CAMK4: variants seen among roughly 807,000 people sequenced by gnomAD.
CAMK4 encodes the protein calcium/calmodulin dependent protein kinase IV.
CAMK4 carries 22 observed loss-of-function variants against 44.9 expected under a neutral mutation model. The observed-to-expected ratio is 0.49, with a 90% CI of 0.35 to 0.70. The LOEUF is 0.70. Ranked by LOEUF, CAMK4 falls within the 30% of genes least tolerant of loss-of-function variation. The probability of loss-of-function intolerance (pLI) is 0.01; values close to 1 mark genes in which losing one functional copy is unlikely to be tolerated. For synonymous variants in CAMK4, 218 were observed against 215.4 expected, an observed-to-expected ratio of 1.01 and a Z score of -0.11; for missense variants, 498 against 586.8, an observed-to-expected ratio of 0.85 and a Z score of 1.56.
In CAMK4 at chr5:111,347,914, A is replaced by G. The variant is rs1356037291; in HGVS notation, c.240+3812A>G. On this transcript the variant is annotated intron_variant, in intron 2 of 10. Transcript: ENST00000282356. ...AATATTCCATTCAATATTTTATTTG[A>G]AGATGAGTGAAACATATCACATTTA... 2.6e-5 allele frequency among the ~76,000 whole-genome samples: 4 copies of G among 152,072 alleles called. No homozygotes were observed. In the East Asian group the frequency reaches 7.8e-4, roughly 29 times the overall value.
intron 2 of CAMK4, among the ~76,000 whole-genome samples, chr5:111,368,100 T>C (rs1249336254): frequency 2.0e-5 from 3 of 152,126 alleles, no homozygotes; most frequent in African/African-American, 7.2e-5. Flanking sequence ...GTAAAATATA[T>C]ATTTATTGTA....
intron 1 of CAMK4, among the ~76,000 whole-genome samples, chr5:111,267,946 G>A (rs1035998340): frequency 2.0e-5 from 3 of 152,182 alleles, no homozygotes; most frequent in Non-Finnish European, 4.4e-5. Flanking sequence ...AAACGGTACT[G>A]ATTAGTTGAA....
intron 3 of CAMK4, among the ~76,000 whole-genome samples, chr5:111,376,591 A>C (rs1430548108): frequency 1.3e-5 from 2 of 152,118 alleles, no homozygotes; most frequent in Admixed American, 1.3e-4. Flanking sequence ...AAAAGTTAGA[A>C]AGTGTTTCCA....
chr5:111,250,589 G>A (rs1204260601), intron 1 of CAMK4, among the ~76,000 whole-genome samples: 1 of 152,104 alleles, frequency 6.6e-6, no homozygotes, highest in Non-Finnish European at 1.5e-5. Flanking sequence ...CTCCTTCTTA[G>A]AATGTCTTCA....
chr5:111,224,582 G>C lies in CAMK4; in HGVS notation c.99G>C (p.Trp33Cys), dbSNP rs1286574499. 1 of 1,612,438 alleles carries C rather than the reference G, an allele frequency of 6.2e-7. No homozygotes were observed. The change falls in exon 1 of 11, where the codon TGG becomes TGC. Residue 33 changes from tryptophan to cysteine, a missense_variant. Trp to Cys is a radical substitution (Grantham distance 215, BLOSUM62 -2). Transcript: ENST00000282356. This position sits in a 1 kb window ranked among gnomAD's most constrained non-coding sequence, Gnocchi z 5.7. ...CCGCGAGCCTCGTCCCGGATTACTG[G>C]ATCGACGGCTCCAACAGGGATGCGC... ...PGTASLVPDY[W>C]IDGSNRDALS... is the part of the protein sequence containing the mutation.
intron 2 of CAMK4, among the ~76,000 whole-genome samples, chr5:111,351,409 C>CT (rs1230580699): frequency 0.021 from 2,944 of 142,568 alleles, 94 homozygotes; most frequent in African/African-American, 0.068. Context: ...TTTTCTTTTT[C>CT]TTTTTTTTTT....
At chr5:111,350,534 A>T (rs968192301) in intron 2 of CAMK4, among the ~76,000 whole-genome samples, 19 of 152,084 alleles carry the variant, frequency 1.2e-4, no homozygotes, top group Middle Eastern at 3.4e-3. Context: ...TACATCTCGG[A>T]TGCCTATAAT....
chr5:111,336,971 C>G (rs920135587), intron 1 of CAMK4, among the ~76,000 whole-genome samples: 2 of 150,786 alleles, frequency 1.3e-5, no homozygotes, highest in Non-Finnish European at 3.0e-5. Context: ...TTTCATTGAA[C>G]TATAATTTCT....
rs56176713 is a variant in CAMK4, at chr5:111,459,686, C to CTTTTTTTTTTTTTTT, written c.625+10495_625+10509dup. Among the ~76,000 whole-genome samples the CTTTTTTTTTTTTTTT allele has an allele frequency of 1.6e-4, 14 of 86,690 alleles. 1 individual carries two copies. Among genetic ancestry groups the CTTTTTTTTTTTTTTT allele is most frequent in the African/African-American group, 7.0e-4 (14 of 20,124 alleles). 56.9% of individuals were successfully genotyped at this position (86,690 alleles called of 152,430 possible). On this transcript the variant is annotated intron_variant, in intron 7 of 10. Transcript: ENST00000282356. ...TGTTCTCTTTGAGTTTAGAGACAGTCTTTTTTTTTTTTTTTTTTTTTTTTT... is the reference window on the plus strand; with the variant it reads ...TGTTCTCTTTGAGTTTAGAGACAGTCTTTTTTTTTTTTTTTTTTTTTTTTTTTTTTTTTTTTTTTT...
intron 1 of CAMK4, among the ~76,000 whole-genome samples, chr5:111,335,866 A>G (rs755178757): frequency 1.3e-5 from 2 of 151,414 alleles, no homozygotes; most frequent in Non-Finnish European, 1.5e-5. Context: ...AATACTACAT[A>G]TGATTTTACA....
At chr5:111,439,765 AG>A (rs1470313438) in intron 5 of CAMK4, among the ~76,000 whole-genome samples, 1 of 152,162 alleles carries the variant, frequency 6.6e-6, no homozygotes, top group Non-Finnish European at 1.5e-5. Context: ...GAAAAAGCAG[AG>A]GGTCCTAAGC....
intron 1 of CAMK4, among the ~76,000 whole-genome samples, chr5:111,281,931 G>T (rs1580526565): frequency 6.6e-6 from 1 of 151,748 alleles, no homozygotes; most frequent in South Asian, 2.1e-4. Context: ...GGTGGCGGGC[G>T]CCTGTAGTCC....
At chr5:111,373,400 A>G (rs947670528) in intron 2 of CAMK4, among the ~76,000 whole-genome samples, 18 of 142,742 alleles carry the variant, frequency 1.3e-4, no homozygotes, top group African/African-American at 4.7e-4. Flanking sequence ...TGGCAAAATT[A>G]TATTTTCCAG....
At chr5:111,263,178 T>C (rs1750069453) in intron 1 of CAMK4, among the ~76,000 whole-genome samples, 1 of 152,252 alleles carries the variant, frequency 6.6e-6, no homozygotes, top group Admixed American at 6.5e-5. Flanking sequence ...TTTTCCTTTT[T>C]TCACTCTGTG....
chr5:111,234,166 T>G (rs1748603305), intron 1 of CAMK4, among the ~76,000 whole-genome samples: 1 of 152,326 alleles, frequency 6.6e-6, no homozygotes, highest in South Asian at 2.1e-4. Context: ...TGAATAAACT[T>G]CTTTATATTT....
intron 7 of CAMK4, among the ~76,000 whole-genome samples, chr5:111,469,437 G>T (rs1309614349): frequency 6.6e-6 from 1 of 152,008 alleles, no homozygotes. Context: ...GCTTCACAAA[G>T]AAATAAATTG....
intron 5 of CAMK4, among the ~76,000 whole-genome samples, chr5:111,445,381 T>A (rs780928510): frequency 6.6e-6 from 1 of 152,140 alleles, no homozygotes. Context: ...GGATATTACC[T>A]TGTGTATATA....
chr5:111,231,983 G>A (rs1283248332), intron 1 of CAMK4, among the ~76,000 whole-genome samples: 1 of 152,186 alleles, frequency 6.6e-6, no homozygotes, highest in Admixed American at 6.6e-5. Context: ...TCTTCTTGAT[G>A]TAATCAGAAT....
intron 1 of CAMK4, among the ~76,000 whole-genome samples, chr5:111,238,808 CTTTTTT>C (rs57552178): frequency 2.0e-4 from 9 of 45,932 alleles, no homozygotes; most frequent in African/African-American, 5.5e-4. Flanking sequence ...AGAGGCTCTT[CTTTTTT>C]TTTTTTTTTT....
Sources: allele counts gnomAD v4.1 joint callset (sites outside exome capture counted in the v4.1 genomes callset), GRCh38; gene constraint gnomAD v4.1.1; non-coding constraint Gnocchi (gnomAD v3.1); transcripts MANE v1.5; gene names NCBI Gene and HGNC (gene_info 2026-07-23, HGNC 2026-07-21).